ZFHX3: variants seen among roughly 807,000 people sequenced by gnomAD.
ZFHX3 encodes zinc finger homeobox 3, also known as zinc finger homeobox protein 3.
Under a neutral mutation model 279.1 loss-of-function variants are expected in ZFHX3, and 42 were observed. That is an observed-to-expected ratio of 0.15 (90% CI 0.12 to 0.19). The LOEUF is 0.19. Among genes scored for constraint, ZFHX3 ranks in the 10% least tolerant of loss-of-function variants. The probability of loss-of-function intolerance (pLI) is 1.00; values close to 1 mark genes in which losing one functional copy is unlikely to be tolerated. For missense variants in ZFHX3, 4,981 were observed against 4,754.0 expected, an observed-to-expected ratio of 1.05 and a Z score of -1.40; for synonymous variants, 2,293 against 1,957.8, an observed-to-expected ratio of 1.17 and a Z score of -4.52.
intron 7 of ZFHX3, among the ~76,000 whole-genome samples, chr16:73,119,596 G>A (rs2144806862): frequency 6.6e-6 from 1 of 152,316 alleles, no homozygotes; most frequent in Non-Finnish European, 1.5e-5. Flanking sequence ...CCTTTGCCAT[G>A]TTCCATGTGA....
At chr16:72,842,145 C>T (rs773526118) in intron 4 of ZFHX3, among the ~76,000 whole-genome samples, 1 of 152,104 alleles carries the variant, frequency 6.6e-6, no homozygotes, top group African/African-American at 2.4e-5. Flanking sequence ...ACTAGAAACC[C>T]GCTGACAGAA....
At chr16:73,169,421 G>A (rs1020479200) in intron 5 of ZFHX3, among the ~76,000 whole-genome samples, 1 of 152,096 alleles carries the variant, frequency 6.6e-6, no homozygotes, top group Non-Finnish European at 1.5e-5. Flanking sequence ...ATGACCTCAC[G>A]GTATGACTTT....
chr16:73,889,324 G>GTTT (rs2030452437), intron 1 of ZFHX3, among the ~76,000 whole-genome samples: 1 of 152,206 alleles, frequency 6.6e-6, no homozygotes, highest in African/African-American at 2.4e-5. Context: ...CAGGCAAAGG[G>GTTT]TGTAAGAATG....
chr16:73,602,783 A>T (rs1258379021), intron 2 of ZFHX3, among the ~76,000 whole-genome samples: 6 of 151,152 alleles, frequency 4.0e-5, no homozygotes, highest in African/African-American at 1.5e-4. Context: ...CATCTCTACT[A>T]AAAAAATACA....
intron 4 of ZFHX3, among the ~76,000 whole-genome samples, chr16:73,296,877 A>ATGTTTTTTGTT (rs755308796): frequency 8.6e-6 from 1 of 116,068 alleles, no homozygotes; most frequent in Admixed American, 9.1e-5. Flanking sequence ...TGAAGCAGGA[A>ATGTTTTTTGTT]TTTTTTTTTT....
intron 2 of ZFHX3, among the ~76,000 whole-genome samples, chr16:73,626,364 C>T (rs1386705460): frequency 1.3e-5 from 2 of 151,880 alleles, no homozygotes; most frequent in East Asian, 1.9e-4. Flanking sequence ...CCATGTGTGC[C>T]CCCTCCCCCC....
intron 1 of ZFHX3, among the ~76,000 whole-genome samples, chr16:73,879,568 G>A (rs765209512): frequency 5.3e-5 from 8 of 152,114 alleles, no homozygotes; most frequent in Non-Finnish European, 1.0e-4. Context: ...AGCAATTCCA[G>A]TTAAGGCAGG....
intron 5 of ZFHX3, among the ~76,000 whole-genome samples, chr16:73,166,589 G>A (rs1043760421): frequency 3.3e-5 from 5 of 152,254 alleles, no homozygotes; most frequent in African/African-American, 1.2e-4. Context: ...TGGGAGAGAG[G>A]CAGGGAGGGG....
intron 2 of ZFHX3, among the ~76,000 whole-genome samples, chr16:73,622,906 C>T (rs974357014): frequency 1.2e-4 from 18 of 152,338 alleles, no homozygotes; most frequent in African/African-American, 4.3e-4. Context: ...ATATTTCACA[C>T]CTAAGAATAA....
At chr16:73,683,243 T>A (rs1425473659) in intron 1 of ZFHX3, among the ~76,000 whole-genome samples, 1 of 152,170 alleles carries the variant, frequency 6.6e-6, no homozygotes, top group Non-Finnish European at 1.5e-5. Context: ...GTAGACTAGC[T>A]CAAAGCCCGT....
chr16:73,670,212 T>A (rs965925271), intron 2 of ZFHX3, among the ~76,000 whole-genome samples: 1 of 152,192 alleles, frequency 6.6e-6, no homozygotes, highest in Non-Finnish European at 1.5e-5. Context: ...CAGAAAGATC[T>A]TTACATTGTT....
chr16:73,571,268 C>T (rs1177087605), intron 2 of ZFHX3, among the ~76,000 whole-genome samples: 1 of 152,018 alleles, frequency 6.6e-6, no homozygotes. Context: ...AGATATACCG[C>T]TCCTACCTCC....
chr16:73,217,860 C>G (rs1933014049), intron 5 of ZFHX3, among the ~76,000 whole-genome samples: 1 of 151,944 alleles, frequency 6.6e-6, no homozygotes, highest in Non-Finnish European at 1.5e-5. Flanking sequence ...GCACACTTCC[C>G]CCTGCTGGTG....
Position 72,798,137 on chromosome 16 carries a change from T to G in ZFHX3, c.4545A>C (p.Glu1515Asp), listed in dbSNP as rs1184312233. The change falls in exon 9 of 10, where the codon GAA becomes GAC. Residue 1515 changes from glutamate to aspartate, a missense_variant. Coordinates refer to ENST00000268489, the MANE Select transcript of ZFHX3 (RefSeq NM_006885.4). ...PTGSDSGSVQEDSGSEPKRAL... is the reference protein window; with the variant it reads ...PTGSDSGSVQDDSGSEPKRAL... ...CTCTCTTTGGCTCTGAGCCCGAGTC[T>G]TCTTGTACTGACCCAGAGTCACTGC... 6 of 1,614,116 alleles carry G rather than the reference T, an allele frequency of 3.7e-6. No individual in the cohort carries two copies. Among genetic ancestry groups the G allele is most frequent in the Non-Finnish European group, 4.2e-6 (5 of 1,180,052 alleles).
At chr16:73,883,763 C>A (rs1181543827) in intron 1 of ZFHX3, among the ~76,000 whole-genome samples, 1 of 151,760 alleles carries the variant, frequency 6.6e-6, no homozygotes, top group Non-Finnish European at 1.5e-5. Context: ...ATAACCCAGC[C>A]CCTGTGAGAA....
In ZFHX3 at chr16:73,819,045, C is replaced by A. The variant is rs28545047; in HGVS notation, c.-1608+72606G>T. ...GTGTCCAAGCACATCCTCAAGCCTC[C>A]TGTGCAACTGGGTGCTCCTTACGTG... On this transcript the variant is annotated intron_variant, in intron 1 of 17. Coordinates refer to the ZFHX3 transcript ENST00000641206. Among the ~76,000 whole-genome samples the A allele has an allele frequency of 5.0e-3, 761 of 152,230 alleles. 6 individuals carry two copies. Among genetic ancestry groups the A allele is most frequent in the African/African-American group, 0.017 (697 of 41,532 alleles).
intron 3 of ZFHX3, among the ~76,000 whole-genome samples, chr16:72,907,209 C>T (rs2039198539): frequency 6.6e-6 from 1 of 152,130 alleles, no homozygotes; most frequent in South Asian, 2.1e-4. Flanking sequence ...ATGACCTTTC[C>T]AGATGACTCT....
intron 7 of ZFHX3, among the ~76,000 whole-genome samples, chr16:72,802,810 C>T (rs2036147094): frequency 6.6e-6 from 1 of 152,180 alleles, no homozygotes; most frequent in South Asian, 2.1e-4. Flanking sequence ...GCTTTTTACT[C>T]AAAGCTTTCA....
chr16:73,190,910 G>A (rs998678158), intron 5 of ZFHX3, among the ~76,000 whole-genome samples: 1 of 73,912 alleles, frequency 1.4e-5, no homozygotes, highest in Non-Finnish European at 2.5e-5. Context: ...AAGAGGGACT[G>A]GATTTTTTTT....
Sources: allele counts gnomAD v4.1 joint callset (sites outside exome capture counted in the v4.1 genomes callset), GRCh38; gene constraint gnomAD v4.1.1; transcripts MANE v1.5; gene names NCBI Gene and HGNC (gene_info 2026-07-23, HGNC 2026-07-21).